The following MMP16 variants were observed in gnomAD, a reference collection of about 807,000 sequenced individuals.
The protein encoded by MMP16 is matrix metalloproteinase-16.
A neutral mutation model predicts 67.8 loss-of-function variants in MMP16; 12 were observed. That is an observed-to-expected ratio of 0.18 (90% confidence interval 0.11 to 0.29). The LOEUF (loss-of-function observed/expected upper bound fraction) is 0.29, where lower values mean the gene tolerates loss of function less well. Among genes scored for constraint, MMP16 ranks in the 10% least tolerant of loss-of-function variants. The pLI is 1.00. For missense variants in MMP16, 475 were observed against 765.7 expected (o/e 0.62, Z 4.48); for synonymous variants, 249 against 255.9 (o/e 0.97, Z 0.26).
At chr8:88,118,942 A>C in intron 4 of MMP16, 81 bp from the exon 5 acceptor site, 3 of 1,346,402 alleles carry the variant, frequency 2.2e-6, no homozygotes, top group Non-Finnish European at 3.1e-6. Context: ...TATTATCAAC[A>C]TTTTACCCAA....
intron 7 of MMP16, among the ~76,000 whole-genome samples, chr8:88,063,315 G>C (rs992231080): frequency 2.6e-5 from 4 of 151,870 alleles, no homozygotes; most frequent in Non-Finnish European, 5.9e-5. Context: ...GCCTATTATA[G>C]TCTGTCAGTC....
chr8:88,129,292 C>A (rs532087186), intron 4 of MMP16, among the ~76,000 whole-genome samples: 1 of 151,736 alleles, frequency 6.6e-6, no homozygotes, highest in South Asian at 2.1e-4. Context: ...TTCATTGCCA[C>A]CTAATTCATT....
Position 88,056,192 on chromosome 8 carries a change from G to T in MMP16, c.1309C>A (p.His437Asn). Reference sequence around the variant, plus strand: ...CACCAAATGGCTGAATCAATACCATGAGGGGGAATTCCACTTCCAAGGGTT... The same window carrying T: ...CACCAAATGGCTGAATCAATACCATTAGGGGGAATTCCACTTCCAAGGGTT... ...LITLGSGIPPHGIDSAIWWED... is the reference protein window; with the variant it reads ...LITLGSGIPPNGIDSAIWWED... The change falls in exon 8 of 10, where the codon CAT becomes AAT. Residue 437 changes from histidine (H) to asparagine (N), a missense_variant. By Grantham distance (68) the His-to-Asn change is moderately conservative (BLOSUM62 1). Coordinates refer to ENST00000286614, the MANE Select transcript of MMP16 (RefSeq NM_005941.5). 6.3e-7 allele frequency: 1 copy of T among 1,599,646 alleles called. No individual in the cohort carries two copies. The highest frequency in any genetic ancestry group is 8.5e-7 in the Non-Finnish European group (1 of 1,171,844).
At chr8:88,292,492 A>C (rs28986497) in intron 1 of MMP16, among the ~76,000 whole-genome samples, 11,556 of 152,292 alleles carry the variant, frequency 0.076, 423 homozygotes, top group South Asian at 0.091. Context: ...AACAGTCTTG[A>C]AATAATACTG....
At chr8:88,078,033 T>C (rs1586138539) in intron 6 of MMP16, among the ~76,000 whole-genome samples, 1 of 152,184 alleles carries the variant, frequency 6.6e-6, no homozygotes, top group East Asian at 1.9e-4. Flanking sequence ...CTCAAGCTTC[T>C]TACCTCCTTC....
At chr8:88,128,860 C>G (rs2118465957) in intron 4 of MMP16, among the ~76,000 whole-genome samples, 1 of 151,820 alleles carries the variant, frequency 6.6e-6, no homozygotes, top group Non-Finnish European at 1.5e-5. Context: ...CATTTGGGCA[C>G]ATAAACAGAC....
chr8:88,236,957 T>C (rs1318981744), intron 1 of MMP16, among the ~76,000 whole-genome samples: 1 of 152,168 alleles, frequency 6.6e-6, no homozygotes, highest in African/African-American at 2.4e-5. Context: ...CATATGTCCA[T>C]ATAGTACTTC....
chr8:88,118,664 T>G (rs755539478), intron 5 of MMP16, 36 bp downstream of exon 5: 1 of 1,584,672 alleles, frequency 6.3e-7, no homozygotes, highest in South Asian at 1.1e-5. Context: ...TGGACTTCAC[T>G]ATCGGATTAA....
intron 4 of MMP16, among the ~76,000 whole-genome samples, chr8:88,122,496 G>A (rs1807855979): frequency 1.3e-5 from 2 of 151,772 alleles, no homozygotes; most frequent in South Asian, 4.2e-4. Context: ...TAGGTTAAAA[G>A]ACTGACAGAA....
chr8:88,295,859 G>C (rs1811004786), intron 1 of MMP16, among the ~76,000 whole-genome samples: 1 of 152,032 alleles, frequency 6.6e-6, no homozygotes, highest in African/African-American at 2.4e-5. Flanking sequence ...TTTATGTGCA[G>C]GATGATATTA....
chr8:88,256,703 C>G (rs1810307688), intron 1 of MMP16, among the ~76,000 whole-genome samples: 1 of 151,062 alleles, frequency 6.6e-6, no homozygotes, highest in South Asian at 2.1e-4. Context: ...CACACACACA[C>G]CCCACACACA....
chr8:88,035,670 T>C lies in MMP16; in HGVS notation c.*5791A>G, dbSNP rs1328834948. ...TAATATTGTTCTAATAAATGATGCA[T>C]GTCACGTCCAGTTATAAGCCCATAA... On this transcript the variant is annotated 3_prime_UTR_variant, in exon 10 of 10. Transcript: ENST00000286614. This position sits in a 1 kb window ranked among gnomAD's most constrained non-coding sequence, Gnocchi z 4.7. The C allele has an allele frequency of 1.3e-5, 2 of 152,004 alleles. No individual in the cohort carries two copies. Among genetic ancestry groups the C allele is most frequent in the Non-Finnish European group, 2.9e-5 (2 of 67,914 alleles). The allele number at this position is 152,004 out of a possible 1,614,324, so 9.4% of individuals were successfully genotyped here.
At chr8:88,205,516 T>C (rs1290945812) in intron 1 of MMP16, among the ~76,000 whole-genome samples, 1 of 152,182 alleles carries the variant, frequency 6.6e-6, no homozygotes, top group African/African-American at 2.4e-5. Context: ...AGAGCTTCTC[T>C]AATTGCCAGT....
At chr8:88,111,565 T>C (rs896923167) in intron 6 of MMP16, among the ~76,000 whole-genome samples, 7 of 151,580 alleles carry the variant, frequency 4.6e-5, no homozygotes, top group Non-Finnish European at 1.0e-4. Context: ...TATGGGGAAA[T>C]GGGCCGATCA....
chr8:88,107,359 T>C (rs1563533794), intron 6 of MMP16, among the ~76,000 whole-genome samples: 1 of 151,136 alleles, frequency 6.6e-6, no homozygotes, highest in Non-Finnish European at 1.5e-5. Flanking sequence ...GGACTTTCAG[T>C]GGAATTACTT....
chr8:88,166,743 T>A (rs545646014), intron 4 of MMP16, among the ~76,000 whole-genome samples: 6 of 140,502 alleles, frequency 4.3e-5, no homozygotes, highest in South Asian at 4.5e-4. Flanking sequence ...TTAATTTTAA[T>A]TTTTTTTAAA....
intron 1 of MMP16, among the ~76,000 whole-genome samples, chr8:88,277,955 C>T (rs994535554): frequency 2.6e-5 from 4 of 152,162 alleles, no homozygotes; most frequent in African/African-American, 9.7e-5. Flanking sequence ...TCCAGCACTA[C>T]TGATTGCACT....
rs764331119 is a variant in MMP16 at position 88,327,117 on chromosome 8, T to C, written c.90A>G (p.Leu30=). ...VFFLQTLLWI[L]CATVCGTEQY... ...GCTCCGTTCCGCAGACTGTAGCACA[T>C]AAAATCCAAAGCAAGGTTTGCAAGA... is the stretch of plus-strand genomic sequence containing the variant. Residue 30 remains leucine (L), a synonymous_variant, in exon 1 of 10, where the codon TTA becomes TTG. Transcript: ENST00000286614. 3.1e-6 allele frequency: 5 copies of C among 1,613,934 alleles called. No homozygotes were observed. The Admixed American group carries it at 5.0e-5, about 16-fold the overall frequency.
Position 88,038,043 on chromosome 8 carries a change from T to C in MMP16, c.*3418A>G, listed in dbSNP as rs1443006365. 6.6e-6 allele frequency: 1 copy of C among 152,022 alleles called. No homozygotes were observed. The highest frequency in any genetic ancestry group is 1.5e-5 in the Non-Finnish European group (1 of 67,926). The allele number at this position is 152,022 out of a possible 1,614,324, so 9.4% of individuals were successfully genotyped here. A position where few individuals can be genotyped will look rare whatever the true frequency, so the allele number is the denominator to read the frequency against. On this transcript the variant is annotated 3_prime_UTR_variant, in exon 10 of 10. Transcript: ENST00000286614. This position sits in a 1 kb window ranked among gnomAD's most constrained non-coding sequence, Gnocchi z 4.1. The stretch of plus-strand genomic sequence containing the variant: ...TTGACCCATGGAAATTTATTCTGCA[T>C]TGGTTTTGAATCACTATTCTTATGT...
Sources: gnomAD v4.1 joint callset for allele counts (sites outside exome capture counted in the v4.1 genomes callset) on GRCh38, gnomAD v4.1.1 for gene constraint, Gnocchi (gnomAD v3.1) non-coding constraint, MANE v1.5 for transcripts, NCBI Gene and HGNC (gene_info 2026-07-23, HGNC 2026-07-21) for gene names.